Variants in CPEB1 observed in about 807,000 individuals in gnomAD.
The protein encoded by CPEB1 is cytoplasmic polyadenylation element-binding protein 1.
In CPEB1, 7 loss-of-function variants were observed where a neutral mutation model predicts 65.8. That is an observed-to-expected ratio of 0.11 (90% CI 0.06 to 0.20). The LOEUF (loss-of-function observed/expected upper bound fraction) is 0.20, where lower values mean the gene tolerates loss of function less well. CPEB1 is among the 10% of genes least tolerant of loss of function. The pLI, the probability that CPEB1 is intolerant of heterozygous loss-of-function variation, is 1.00. For synonymous variants in CPEB1, 262 were observed against 260.0 expected, an observed-to-expected ratio of 1.01 and a Z score of -0.08; for missense variants, 551 against 712.2, an observed-to-expected ratio of 0.77 and a Z score of 2.58.
chr15:82,628,029 T>TA, intron 2 of CPEB1: 1 of 588,818 alleles, frequency 1.7e-6, no homozygotes. Flanking sequence ...CAAGGGGTCA[T>TA]AAAGACCTTT....
At chr15:82,567,677 G>A (rs565118649) in intron 4 of CPEB1, among the ~76,000 whole-genome samples, 3 of 152,138 alleles carry the variant, frequency 2.0e-5, no homozygotes, top group Admixed American at 1.3e-4. Context: ...GTGTGAACAG[G>A]TTAGTCCTCA....
intron 3 of CPEB1, among the ~76,000 whole-genome samples, chr15:82,594,174 G>C (rs759534637): frequency 1.4e-4 from 21 of 152,126 alleles, no homozygotes; most frequent in Non-Finnish European, 1.9e-4. Flanking sequence ...GTCCTAGATG[G>C]CATCTTCTTC....
chr15:82,644,763 T>A (rs1038883614), intron 1 of CPEB1, among the ~76,000 whole-genome samples: 1 of 152,220 alleles, frequency 6.6e-6, no homozygotes, highest in Non-Finnish European at 1.5e-5. Context: ...CTGGCCCCTA[T>A]AGGGTTTGAG....
At chr15:82,545,985 G>A (rs2035126065) in intron 12 of CPEB1, among the ~76,000 whole-genome samples, 1 of 139,850 alleles carries the variant, frequency 7.2e-6, no homozygotes, top group African/African-American at 2.8e-5. Context: ...TAAGAGTTCT[G>A]GATCAAGCTA....
At chr15:82,610,506 G>A (rs1235119778) in intron 3 of CPEB1, among the ~76,000 whole-genome samples, 1 of 151,702 alleles carries the variant, frequency 6.6e-6, no homozygotes, top group Non-Finnish European at 1.5e-5. Context: ...AAGAAGACAA[G>A]GTTGGTTCAT....
At chr15:82,632,659 C>A (rs1441659357) in intron 1 of CPEB1, among the ~76,000 whole-genome samples, 1 of 152,022 alleles carries the variant, frequency 6.6e-6, no homozygotes, top group African/African-American at 2.4e-5. Flanking sequence ...GGACTACAGA[C>A]AGGCGCCACC....
At chr15:82,631,783 C>T (rs919153286) in intron 1 of CPEB1, among the ~76,000 whole-genome samples, 2 of 152,036 alleles carry the variant, frequency 1.3e-5, no homozygotes. Flanking sequence ...AATTAAAAGG[C>T]AAGAGATATG....
At position 82,553,224 on chromosome 15, in the gene CPEB1, G is replaced by T. The variant is rs573868191; in HGVS notation, c.1144+243C>A. ...GGTTTAGAGAGAAGTGTACAAGGAA[G>T]GGGTTTCAGAGGCAACTCCCACTGC... On this transcript the variant is annotated intron_variant, in intron 8 of 12. Coordinates refer to ENST00000684509, the MANE Select transcript of CPEB1 (RefSeq NM_001365242.1). Among the ~76,000 whole-genome samples, 10 of 152,304 alleles carry T rather than the reference G, an allele frequency of 6.6e-5. No homozygotes were observed. In the South Asian group the frequency reaches 2.1e-3, roughly 32 times the overall value.
At chr15:82,585,504 A>T (rs1358658028) in intron 3 of CPEB1, among the ~76,000 whole-genome samples, 5 of 152,198 alleles carry the variant, frequency 3.3e-5, no homozygotes, top group African/African-American at 1.2e-4. Context: ...AGAACTAGGC[A>T]ACTTACAACT....
intron 4 of CPEB1, among the ~76,000 whole-genome samples, chr15:82,561,845 G>A (rs1476242243): frequency 6.6e-6 from 1 of 152,208 alleles, no homozygotes; most frequent in Non-Finnish European, 1.5e-5. Context: ...AAAATGGCAT[G>A]AAAACCCACG....
At chr15:82,606,641 ACCC>A (rs2043633156) in intron 3 of CPEB1, among the ~76,000 whole-genome samples, 2 of 104,556 alleles carry the variant, frequency 1.9e-5, no homozygotes, top group Admixed American at 1.9e-4. Context: ...AAATGGTGAA[ACCC>A]CGTCTCTACT....
intron 8 of CPEB1, 53 bp downstream of exon 8, chr15:82,553,414 G>A (rs759866061): frequency 4.3e-6 from 6 of 1,393,362 alleles, no homozygotes; most frequent in Admixed American, 3.4e-5. Context: ...TTATGTACTA[G>A]GGAAGGGAAA....
chr15:82,605,623 T>C (rs2043509477), intron 3 of CPEB1, among the ~76,000 whole-genome samples: 1 of 152,190 alleles, frequency 6.6e-6, no homozygotes, highest in South Asian at 2.1e-4. Flanking sequence ...TATACATATA[T>C]CAGAACATCA....
intron 3 of CPEB1, among the ~76,000 whole-genome samples, chr15:82,596,862 G>T (rs1194534805): frequency 6.6e-6 from 1 of 152,102 alleles, no homozygotes; most frequent in Non-Finnish European, 1.5e-5. Context: ...AGACAATCTA[G>T]CAACAAGCAA....
chr15:82,639,280 C>T (rs1481228596), intron 1 of CPEB1, among the ~76,000 whole-genome samples: 1 of 152,154 alleles, frequency 6.6e-6, no homozygotes, highest in Non-Finnish European at 1.5e-5. Flanking sequence ...GTATCTTGAT[C>T]AACATTCACT....
intron 1 of CPEB1, 150 bp from the exon 2 acceptor site, chr15:82,628,706 G>A (rs1034258277): frequency 1.5e-5 from 7 of 465,946 alleles, no homozygotes; most frequent in Non-Finnish European, 2.7e-5. Context: ...TTCCACCTTT[G>A]CCACCCCTGA....
intron 12 of CPEB1, among the ~76,000 whole-genome samples, chr15:82,545,997 C>T (rs2035128957): frequency 9.4e-6 from 1 of 106,110 alleles, no homozygotes; most frequent in African/African-American, 4.1e-5. Flanking sequence ...ATCAAGCTAT[C>T]TAAAGTATGT....
chr15:82,608,269 AT>A (rs1015296063), intron 3 of CPEB1, among the ~76,000 whole-genome samples: 20 of 140,514 alleles, frequency 1.4e-4, no homozygotes, highest in African/African-American at 2.3e-4. Context: ...ATTGCCTCTG[AT>A]TTTTTTTTTT....
At chr15:82,568,169 G>A (rs1159942300) in intron 4 of CPEB1, among the ~76,000 whole-genome samples, 1 of 152,090 alleles carries the variant, frequency 6.6e-6, no homozygotes, top group Non-Finnish European at 1.5e-5. Context: ...TGTCACTTTG[G>A]GCACTTTGTA....
Sources: gnomAD v4.1 joint callset for allele counts (sites outside exome capture counted in the v4.1 genomes callset) on GRCh38, gnomAD v4.1.1 for gene constraint, MANE v1.5 for transcripts, NCBI Gene and HGNC (gene_info 2026-07-23, HGNC 2026-07-21) for gene names.